Variants in SETD1B observed in about 807,000 individuals in gnomAD.
The protein encoded by SETD1B is SET domain containing 1B, histone lysine methyltransferase, also known as histone-lysine N-methyltransferase SETD1B.
Under a neutral mutation model 148.0 loss-of-function variants are expected in SETD1B, and 7 were observed. The ratio of observed to expected loss-of-function variants is 0.05; its 90% CI spans 0.03 to 0.09. SETD1B has a LOEUF of 0.09. Ranked by LOEUF, SETD1B falls within the 10% of genes least tolerant of loss-of-function variation. The probability of loss-of-function intolerance (pLI) is 1.00; values close to 1 mark genes in which losing one functional copy is unlikely to be tolerated. For synonymous variants in SETD1B, 1,361 were observed against 1,186.5 expected (o/e 1.15, Z -3.02); for missense variants, 2,155 against 2,729.9 (o/e 0.79, Z 4.69).
chr12:121,824,005 T>C (rs553579977), intron 12 of SETD1B, among the ~76,000 whole-genome samples: 1 of 152,332 alleles, frequency 6.6e-6, no homozygotes, highest in African/African-American at 2.4e-5. Context: ...CAGGGTCACA[T>C]GTAACAGCAG....
the SETD1B span, among the ~76,000 whole-genome samples, chr12:121,796,619 C>T: frequency 6.6e-6 from 1 of 152,222 alleles, no homozygotes; most frequent in Non-Finnish European, 1.5e-5. Context: ...CTGGCAAATA[C>T]ATCTACCCTG....
intron 13 of SETD1B, among the ~76,000 whole-genome samples, chr12:121,826,980 G>C (rs1876872575): frequency 6.6e-6 from 1 of 152,016 alleles, no homozygotes; most frequent in African/African-American, 2.4e-5. Flanking sequence ...GTGGGCATGT[G>C]GGTATGGCGG....
chr12:121,822,905 C>T lies in SETD1B; in HGVS notation c.4326C>T (p.Pro1442=). The T allele has an allele frequency of 6.7e-7, 1 of 1,502,758 alleles. No homozygotes were observed. 93.1% of individuals were successfully genotyped at this position (1,502,758 alleles called of 1,614,324 possible). A position where few individuals can be genotyped will look rare whatever the true frequency, so the allele number is the denominator to read the frequency against. ...CCACCTTCTCCGAGCCCAGCGGGCC[C>T]TTGCTCCTGCCCGTCTGCCCACTCC... ...FTPTFSEPSG[P]LLLPVCPLPT... Residue 1442 remains proline (P), a synonymous_variant, in exon 12 of 17, where the codon CCC becomes CCT. Coordinates refer to ENST00000604567, the MANE Select transcript of SETD1B (RefSeq NM_001353345.2).
At chr12:121,827,344 C>G (rs1218010348) in intron 13 of SETD1B, among the ~76,000 whole-genome samples, 175 bp from the exon 14 acceptor site, 1 of 152,108 alleles carries the variant, frequency 6.6e-6, no homozygotes, top group East Asian at 1.9e-4. Context: ...TTGAGACGCT[C>G]AGATACTGAT....
intron 5 of SETD1B, among the ~76,000 whole-genome samples, chr12:121,809,307 G>A (rs1034683556): frequency 1.3e-5 from 2 of 152,178 alleles, no homozygotes; most frequent in African/African-American, 4.8e-5. Flanking sequence ...ACAGCCTGAG[G>A]CAGAAAGAAA....
Position 121,819,854 on chromosome 12 carries a change from A to T in SETD1B, c.3869A>T (p.Glu1290Val), listed in dbSNP as rs1471754098. The T allele has an allele frequency of 6.4e-7, 1 of 1,551,296 alleles. No homozygotes were observed. The highest frequency in any genetic ancestry group is 8.7e-7 in the Non-Finnish European group (1 of 1,146,864). ...MLLSPEPPAK[E>V]VEARPPLSPE... ...CTGTCTCCAGAGCCCCCTGCCAAGG[A>T]GGTGGAGGCTCGACCCCCATTGTCC... The change falls in exon 11 of 17, where the codon GAG becomes GTG. Residue 1290 changes from glutamate (E) to valine (V), a missense_variant. Glu to Val is a moderately radical substitution (Grantham distance 121). Coordinates refer to ENST00000604567, the MANE Select transcript of SETD1B (RefSeq NM_001353345.2).
chr12:121,805,097 C>A lies in SETD1B; in HGVS notation c.175-21C>A, dbSNP rs1363990747. The A allele has an allele frequency of 3.9e-6, 6 of 1,542,990 alleles. No individual in the cohort carries two copies. The highest frequency in any genetic ancestry group is 4.4e-6 in the Non-Finnish European group (5 of 1,139,196). ...AGGGGGACCAGTTCTCTCATCCCGG[C>A]CCCCCAATTTCTCCCCACAGATGTC... On this transcript the variant is annotated intron_variant, in intron 2 of 16. Coordinates refer to ENST00000604567, the MANE Select transcript of SETD1B (RefSeq NM_001353345.2). This position sits in a 1 kb window ranked among gnomAD's most constrained non-coding sequence, Gnocchi z 4.2.
At chr12:121,818,005 T>C in intron 10 of SETD1B, 101 bp downstream of exon 10, 1 of 1,241,202 alleles carries the variant, frequency 8.1e-7, no homozygotes, top group Admixed American at 2.9e-5. Context: ...CAAAATGTTG[T>C]GCTTTTGAGA....
In SETD1B at chr12:121,814,523, G is replaced by A. The variant is rs1230495334; in HGVS notation, c.2308G>A (p.Gly770Ser). 19 of 1,472,342 alleles carry A rather than the reference G, an allele frequency of 1.3e-5. No homozygotes were observed. Among genetic ancestry groups the A allele is most frequent in the Non-Finnish European group, 1.6e-5 (18 of 1,105,766 alleles). 91.2% of individuals were successfully genotyped at this position (1,472,342 alleles called of 1,614,324 possible). Reference protein sequence around the residue: ...MSHVLGGQWGGMPMSFQMQTQ... With the variant: ...MSHVLGGQWGSMPMSFQMQTQ... ...CCACGTGCTGGGTGGCCAGTGGGGC[G>A]GCATGCCCATGTCCTTCCAGATGCA... The change falls in exon 7 of 17, where the codon GGC becomes AGC. Residue 770 changes from glycine to serine, a missense_variant. Transcript: ENST00000604567.
chr12:121,803,027 T>C (rs1388010443), upstream of SETD1B: 1 of 152,164 alleles, frequency 6.6e-6, no homozygotes, highest in African/African-American at 2.4e-5. This position sits in a 1 kb window ranked among gnomAD's most constrained non-coding sequence, Gnocchi z 4.7. Flanking sequence ...CCTGCCGCCC[T>C]GCTCCAGCCA....
chr12:121,812,533 C>G (rs769815573), intron 6 of SETD1B, among the ~76,000 whole-genome samples: 2 of 152,020 alleles, frequency 1.3e-5, no homozygotes, highest in South Asian at 2.1e-4. Context: ...CTTCTCACCC[C>G]GAGACTGCTG....
chr12:121,805,924 C>T lies in SETD1B; in HGVS notation c.363C>T (p.Asp121=), dbSNP rs970138698. ...NDNIRENFLR[D]MCKKYGEVEE... Reference sequence around the variant, plus strand: ...ACATCCGTGAAAACTTCCTGAGGGACATGTGCAAGAAGTATGGGGAGGTGG... The same window carrying T: ...ACATCCGTGAAAACTTCCTGAGGGATATGTGCAAGAAGTATGGGGAGGTGG... Residue 121 remains aspartate (D), a synonymous_variant, in exon 4 of 17, where the codon GAC becomes GAT. Transcript: ENST00000604567. The surrounding 1 kb of genome is among the most constrained non-coding windows in gnomAD (Gnocchi z 4.2). 2 of 1,551,566 alleles carry T rather than the reference C, an allele frequency of 1.3e-6. No individual in the cohort carries two copies. Among genetic ancestry groups the T allele is most frequent in the Middle Eastern group, 1.7e-4 (1 of 5,992 alleles).
chr12:121,804,332 C>G lies in SETD1B; in HGVS notation c.-15+99C>G, dbSNP rs1021914010. The G allele has an allele frequency of 2.8e-5, 4 of 144,944 alleles. No homozygotes were observed. Among genetic ancestry groups the G allele is most frequent in the African/African-American group, 9.9e-5 (4 of 40,484 alleles). 9.0% of individuals were successfully genotyped at this position (144,944 alleles called of 1,614,324 possible). ...CCGAGCGGGCGAGCGGGCGGGCGGG[C>G]GGCGGCGCCGCCAGGCCCTGCCGCC... is the stretch of plus-strand genomic sequence containing the variant. On this transcript the variant is annotated intron_variant, in intron 1 of 16. Transcript: ENST00000604567. The surrounding 1 kb of genome is among the most constrained non-coding windows in gnomAD (Gnocchi z 4.6).
At chr12:121,799,720 G>A (rs932916108), upstream of SETD1B, 3 of 126,506 alleles carry the variant, frequency 2.4e-5, 1 homozygote, top group African/African-American at 8.7e-5. Context: ...TCGCAGCTGG[G>A]GGGGGGGGGG....
the SETD1B span, chr12:121,793,679 G>A: frequency 1.4e-6 from 2 of 1,469,630 alleles, no homozygotes; most frequent in Non-Finnish European, 1.8e-6. Flanking sequence ...GGCACTAGCG[G>A]AGCCAAGAGG....
chr12:121,819,977 G>A (rs970454874), intron 11 of SETD1B, 82 bp downstream of exon 11: 4 of 1,212,048 alleles, frequency 3.3e-6, no homozygotes, highest in Admixed American at 2.6e-5. Flanking sequence ...GCTTCCTGGG[G>A]TAGATCGCTG....
chr12:121,817,169 T>C lies in SETD1B; in HGVS notation c.2852T>C (p.Ile951Thr). The change falls in exon 8 of 17, where the codon ATT becomes ACT. Residue 951 changes from isoleucine (I) to threonine (T), a missense_variant. This residue lies in a region of SETD1B where 289 missense variants were observed against 423.7 expected (regional missense o/e 0.68). Coordinates refer to ENST00000604567, the MANE Select transcript of SETD1B (RefSeq NM_001353345.2). The surrounding 1 kb of genome is among the most constrained non-coding windows in gnomAD (Gnocchi z 8.1). ...GLGYEGLGLG[I>T]GLRGAIRLPS... ...GGCTACGAGGGCCTGGGCCTGGGCA[T>C]TGGGCTGCGTGGGGCCATTCGCCTG... The C allele has an allele frequency of 6.5e-7, 1 of 1,549,752 alleles. No individual in the cohort carries two copies. Among genetic ancestry groups the C allele is most frequent in the South Asian group, 1.2e-5 (1 of 84,058 alleles).
rs928449046 is a variant in SETD1B at position 121,823,593 on chromosome 12, C to T, written c.5014C>T (p.Arg1672Cys). The T allele has an allele frequency of 6.4e-7, 1 of 1,551,510 alleles. No individual in the cohort carries two copies. Among genetic ancestry groups the T allele is most frequent in the Non-Finnish European group, 8.7e-7 (1 of 1,146,974 alleles). Residue 1672 changes from arginine to cysteine, a missense_variant, in exon 12 of 17, where the codon CGC becomes TGC. Around this residue, in one of 11 missense-constraint regions of SETD1B, gnomAD observed 862 missense variants for 873.8 expected, o/e 0.99. Transcript: ENST00000604567. ...LSPPQPLFRP[R>C]SEFEEMTILY... is the part of the protein sequence containing the mutation. ...GCCACCCCAGCCCCTCTTCCGGCCC[C>T]GCTCGGAGTTTGAGGAGATGACCAT... is the stretch of plus-strand genomic sequence containing the variant.
At position 121,810,609 on chromosome 12, in the gene SETD1B, G is replaced by A. The variant is rs1291062412; in HGVS notation, c.1664G>A (p.Arg555Gln). The A allele has an allele frequency of 1.3e-5, 20 of 1,548,128 alleles. No individual in the cohort carries two copies. The Middle Eastern group carries it at 5.0e-4, about 39-fold the overall frequency. The change falls in exon 6 of 17, where the codon CGG (arginine) becomes CAG (glutamine). Residue 555 changes from arginine to glutamine, a missense_variant. By Grantham distance (43) the Arg-to-Gln change is conservative. This residue lies in a region of SETD1B where 295 missense variants were observed against 303.8 expected (regional missense o/e 0.97). Coordinates refer to ENST00000604567, the MANE Select transcript of SETD1B (RefSeq NM_001353345.2). This position sits in a 1 kb window ranked among gnomAD's most constrained non-coding sequence, Gnocchi z 7.6. The stretch of plus-strand genomic sequence containing the variant: ...GGCACCAACTCCCAGCCAGGCTTCC[G>A]GGGCCCCACGCCCCCCTCGTCACGC... ...PFGTNSQPGF[R>Q]GPTPPSSRPS...
Sources: gnomAD v4.1 joint callset for allele counts (sites outside exome capture counted in the v4.1 genomes callset) on GRCh38, gnomAD v4.1.1 for gene constraint, gnomAD v4.1.1 regional missense constraint, Gnocchi (gnomAD v3.1) non-coding constraint, MANE v1.5 for transcripts, NCBI Gene and HGNC (gene_info 2026-07-23, HGNC 2026-07-21) for gene names.